Variants in RPH3A observed in about 807,000 individuals in gnomAD.
RPH3A encodes rabphilin-3A.
In RPH3A, 48 loss-of-function variants were observed where a neutral mutation model predicts 102.2. That is an observed-to-expected ratio of 0.47 (90% CI 0.37 to 0.60). The LOEUF (loss-of-function observed/expected upper bound fraction) is 0.60. Ranked by LOEUF, RPH3A falls within the 20% of genes least tolerant of loss-of-function variation. RPH3A has a pLI of 0.00. For missense variants in RPH3A, 781 were observed against 910.1 expected (o/e 0.86, Z 1.83); for synonymous variants, 310 against 324.3 (o/e 0.96, Z 0.47).
chr12:112,651,414 A>G (rs1255128963), intron 1 of RPH3A, among the ~76,000 whole-genome samples: 1 of 149,506 alleles, frequency 6.7e-6, no homozygotes, highest in African/African-American at 2.4e-5. Flanking sequence ...CAAAATCCCA[A>G]CAAAAACCAA....
chr12:112,868,453 G>T lies in RPH3A; in HGVS notation c.468G>T (p.Trp156Cys), dbSNP rs1220242187. 1.9e-6 allele frequency: 3 copies of T among 1,614,028 alleles called. No homozygotes were observed. The highest frequency in any genetic ancestry group is 2.5e-6 in the Non-Finnish European group (3 of 1,180,022). ...AGGTGTGGAAGCGTTCTGGAGCGTG[G>T]TTCTTCAAAGGCTTCCCCAAACAGG... Reference protein sequence around the residue: ...QREVWKRSGAWFFKGFPKQVL... With the variant: ...QREVWKRSGACFFKGFPKQVL... Residue 156 changes from tryptophan to cysteine, a missense_variant, in exon 8 of 22, where the codon TGG (tryptophan) becomes TGT (cysteine). Physicochemically the swap from Trp to Cys is radical, Grantham distance 215. Around this residue, in one of 2 missense-constraint regions of RPH3A, gnomAD observed 730 missense variants for 810.0 expected, o/e 0.90. Transcript: ENST00000389385.
intron 1 of RPH3A, among the ~76,000 whole-genome samples, chr12:112,739,689 C>T (rs562042114): frequency 2.0e-5 from 3 of 152,292 alleles, no homozygotes; most frequent in African/African-American, 7.2e-5. Flanking sequence ...TTTATCTGTC[C>T]TCTGTTCTTT....
intron 1 of RPH3A, among the ~76,000 whole-genome samples, chr12:112,772,969 G>C (rs907507712): frequency 1.2e-4 from 18 of 152,048 alleles, no homozygotes; most frequent in Admixed American, 1.1e-3. Context: ...CCACATATCA[G>C]TGAGAACATA....
intron 1 of RPH3A, among the ~76,000 whole-genome samples, chr12:112,601,158 A>G (rs1189202732): frequency 1.3e-5 from 2 of 152,218 alleles, no homozygotes; most frequent in African/African-American, 4.8e-5. Context: ...AAATCGTATC[A>G]GTAGCTGTGT....
chr12:112,835,347 A>C (rs576667727), intron 3 of RPH3A, among the ~76,000 whole-genome samples: 18 of 152,324 alleles, frequency 1.2e-4, no homozygotes, highest in African/African-American at 4.3e-4. Context: ...TGAAGGGTGG[A>C]TGGGGTAAAA....
intron 1 of RPH3A, among the ~76,000 whole-genome samples, chr12:112,635,191 T>G (rs1432579564): frequency 6.6e-6 from 1 of 152,246 alleles, no homozygotes; most frequent in African/African-American, 2.4e-5. Context: ...ATAGACAATA[T>G]GTAACCAAGT....
chr12:112,818,927 T>G (rs1175426767), intron 2 of RPH3A, among the ~76,000 whole-genome samples: 2 of 151,860 alleles, frequency 1.3e-5, no homozygotes, highest in East Asian at 3.9e-4. Flanking sequence ...ACTAACAGTG[T>G]CCTCCCTGAC....
At position 112,694,632 on chromosome 12, in the gene RPH3A, ACG is replaced by A. The variant is rs752695966; in HGVS notation, c.-139-97499_-139-97498del. Among the ~76,000 whole-genome samples the A allele has an allele frequency of 5.1e-3, 592 of 115,006 alleles. 2 individuals are homozygous for A. Among genetic ancestry groups the A allele is most frequent in the African/African-American group, 0.018 (498 of 27,216 alleles). The allele number at this position is 115,006 out of a possible 152,430, so 75.4% of individuals were successfully genotyped here. A position where few individuals can be genotyped will look rare whatever the true frequency, so the allele number is the denominator to read the frequency against. The stretch of plus-strand genomic sequence containing the variant: ...GACAGAGAGAGACAAAGACACACGC[ACG>A]CGCGCGCGCGCACACGCACACACAC... On this transcript the variant is annotated intron_variant, in intron 1 of 21. Coordinates refer to the RPH3A transcript ENST00000543106.
chr12:112,647,796 A>C (rs2039942301), intron 1 of RPH3A, among the ~76,000 whole-genome samples: 2 of 152,204 alleles, frequency 1.3e-5, no homozygotes, highest in African/African-American at 2.4e-5. Flanking sequence ...CGGTTTGAGG[A>C]ATAGCAAGGA....
intron 2 of RPH3A, among the ~76,000 whole-genome samples, chr12:112,801,003 T>A (rs1465171044): frequency 6.6e-6 from 1 of 151,950 alleles, no homozygotes; most frequent in Non-Finnish European, 1.5e-5. Flanking sequence ...TTCTCTCCCA[T>A]GAATAGTGGC....
chr12:112,763,174 G>T (rs2040866017), intron 1 of RPH3A, among the ~76,000 whole-genome samples: 1 of 152,250 alleles, frequency 6.6e-6, no homozygotes, highest in African/African-American at 2.4e-5. Flanking sequence ...AAGGAGCTGT[G>T]TATTATTAGT....
intron 2 of RPH3A, among the ~76,000 whole-genome samples, chr12:112,806,302 T>G (rs1185422354): frequency 6.6e-6 from 1 of 152,214 alleles, no homozygotes; most frequent in African/African-American, 2.4e-5. Flanking sequence ...GAAAAGAGAA[T>G]GCTTAACAGT....
chr12:112,818,116 T>C, intron 2 of RPH3A, among the ~76,000 whole-genome samples: 1 of 151,684 alleles, frequency 6.6e-6, no homozygotes, highest in East Asian at 1.9e-4. Flanking sequence ...ATCGAGACCA[T>C]GGTGAAACCC....
intron 1 of RPH3A, among the ~76,000 whole-genome samples, chr12:112,691,143 C>G (rs2040303895): frequency 6.6e-6 from 1 of 152,172 alleles, no homozygotes. Context: ...CCTGCGTCAG[C>G]CTCTCCAAGT....
At chr12:112,754,339 G>A (rs868163814) in intron 1 of RPH3A, among the ~76,000 whole-genome samples, 13 of 143,130 alleles carry the variant, frequency 9.1e-5, no homozygotes, top group African/African-American at 3.4e-4. Context: ...CTTAGTGCCT[G>A]TAGTATAATA....
chr12:112,596,184 CA>C (rs34540539), intron 1 of RPH3A, among the ~76,000 whole-genome samples: 18,551 of 152,158 alleles, frequency 0.12, 1,409 homozygotes, highest in South Asian at 0.18. Context: ...CTCTCTTGCC[CA>C]GGCTGGAGTG....
rs1555209153 is a variant in RPH3A, at chr12:112,791,867, G to GGAGAGAGAGCGAGAGAGAGA, written c.-276_-275insCGAGAGAGAGAGAGAGAGAG. ...CGCGGACTGGAAAGGAAGGGAGAAGGGAGAGAGAGAGAGAGAGAGAGAGAG... is the reference window on the plus strand; with the variant it reads ...CGCGGACTGGAAAGGAAGGGAGAAGGGAGAGAGAGCGAGAGAGAGAGAGAGAGAGAGAGAGAGAGAGAGAG... On this transcript the variant is annotated 5_prime_UTR_variant, in exon 1 of 22. Coordinates refer to ENST00000389385, the MANE Select transcript of RPH3A (RefSeq NM_001143854.2). 1 of 48,506 alleles carries GGAGAGAGAGCGAGAGAGAGA rather than the reference G, an allele frequency of 2.1e-5. No individual in the cohort carries two copies. Among genetic ancestry groups the GGAGAGAGAGCGAGAGAGAGA allele is most frequent in the African/African-American group, 9.6e-5 (1 of 10,428 alleles). 3.0% of individuals were successfully genotyped at this position (48,506 alleles called of 1,614,324 possible).
chr12:112,587,611 A>G (rs2039448276), intron 1 of RPH3A, among the ~76,000 whole-genome samples: 1 of 152,178 alleles, frequency 6.6e-6, no homozygotes, highest in African/African-American at 2.4e-5. Context: ...GTTTTTGTAC[A>G]ACATCACAGC....
chr12:112,778,766 GA>G (rs1215452802), intron 1 of RPH3A, among the ~76,000 whole-genome samples: 4 of 152,204 alleles, frequency 2.6e-5, no homozygotes. Context: ...CAACCCTGAT[GA>G]AAATGATATG....
Sources: gnomAD v4.1 joint callset for allele counts (sites outside exome capture counted in the v4.1 genomes callset) on GRCh38, gnomAD v4.1.1 for gene constraint, gnomAD v4.1.1 regional missense constraint, MANE v1.5 for transcripts, NCBI Gene and HGNC (gene_info 2026-07-23, HGNC 2026-07-21) for gene names.